CNTLN: variants seen among roughly 807,000 people sequenced by gnomAD.
The protein encoded by CNTLN is centlein, centrosomal protein.
Under a neutral mutation model 180.0 loss-of-function variants are expected in CNTLN, and 212 were observed. That is an observed-to-expected ratio of 1.18 (90% CI 1.05 to 1.32). The LOEUF (loss-of-function observed/expected upper bound fraction) is 1.32, where lower values mean the gene tolerates loss of function less well. Among genes scored for constraint, CNTLN ranks in the 40% most tolerant of loss-of-function variants. The pLI is 0.00. For missense variants in CNTLN, 2,095 were observed against 1,610.9 expected, an observed-to-expected ratio of 1.30 and a Z score of -5.14; for synonymous variants, 722 against 563.1, an observed-to-expected ratio of 1.28 and a Z score of -3.99.
intron 5 of CNTLN, among the ~76,000 whole-genome samples, chr9:17,256,018 AG>A (rs967846475): frequency 3.7e-4 from 56 of 152,038 alleles, no homozygotes; most frequent in African/African-American, 1.2e-3. Context: ...TAGTATTCTT[AG>A]TTTTCCATTT....
chr9:17,384,051 AG>A (rs1315720459), intron 13 of CNTLN, among the ~76,000 whole-genome samples: 10 of 152,236 alleles, frequency 6.6e-5, no homozygotes, highest in African/African-American at 2.4e-4. Context: ...ACTTGGAAGT[AG>A]AAAATAAACA....
intron 14 of CNTLN, among the ~76,000 whole-genome samples, chr9:17,390,873 A>G (rs767671886): frequency 7.2e-5 from 11 of 152,154 alleles, no homozygotes; most frequent in African/African-American, 9.7e-5. Context: ...ACATACATTC[A>G]TATTAGGAAG....
At chr9:17,386,620 C>T (rs932253070) in intron 13 of CNTLN, among the ~76,000 whole-genome samples, 2 of 151,988 alleles carry the variant, frequency 1.3e-5, no homozygotes, top group Admixed American at 1.3e-4. Context: ...TCTGTATAAA[C>T]CGGTGAAGGG....
rs578217729 is a variant in CNTLN at position 17,290,295 on chromosome 9, G to T, written c.984-7895G>T. Among the ~76,000 whole-genome samples, 462 of 151,458 alleles carry T rather than the reference G, an allele frequency of 3.1e-3. 1 individual carries two copies. The highest frequency in any genetic ancestry group is 4.7e-3 in the Non-Finnish European group (321 of 67,712). On this transcript the variant is annotated intron_variant, in intron 6 of 25. Transcript: ENST00000380647. ...GTGAGGTGTCAGTCTGCCCCTGCTG[G>T]GGGGTGCCTCCCAGTTAGGCTGCTC...
At chr9:17,166,064 G>C (rs1412012552) in intron 2 of CNTLN, among the ~76,000 whole-genome samples, 3 of 152,078 alleles carry the variant, frequency 2.0e-5, no homozygotes, top group Admixed American at 6.5e-5. Flanking sequence ...TTAATATGAA[G>C]GATAAGAAAC....
At chr9:17,340,733 C>T (rs1821412760) in intron 10 of CNTLN, 94 bp from the exon 11 acceptor site, 2 of 1,094,404 alleles carry the variant, frequency 1.8e-6, no homozygotes, top group South Asian at 4.7e-5. Context: ...TATTTTCTTT[C>T]AAATTTCATA....
chr9:17,457,614 G>A lies in CNTLN; in HGVS notation c.3205G>A (p.Glu1069Lys). 6.4e-7 allele frequency: 1 copy of A among 1,567,062 alleles called. No homozygotes were observed. Among genetic ancestry groups the A allele is most frequent in the Non-Finnish European group, 8.7e-7 (1 of 1,154,620 alleles). ...CTCATCTGAAATCACAAGTTTGGCA[G>A]AAGAAAATTCCCAGGTAACATTTCC... The part of the protein sequence containing the change: ...ESSSEITSLA[E>K]ENSQVTFPRI... The change falls in exon 19 of 26, where the codon GAA becomes AAA. Residue 1069 changes from glutamate (E) to lysine (K), a missense_variant. Glu to Lys is a moderately conservative substitution (Grantham distance 56, BLOSUM62 1). Coordinates refer to ENST00000380647, the MANE Select transcript of CNTLN (RefSeq NM_017738.4).
intron 13 of CNTLN, among the ~76,000 whole-genome samples, chr9:17,380,379 C>T (rs1220855434): frequency 1.3e-5 from 2 of 152,156 alleles, no homozygotes; most frequent in Admixed American, 1.3e-4. Context: ...CAAGCCTCAG[C>T]CAAAGGCCCC....
intron 1 of CNTLN, among the ~76,000 whole-genome samples, chr9:17,138,232 T>A (rs904430799): frequency 3.3e-5 from 5 of 152,162 alleles, no homozygotes; most frequent in Non-Finnish European, 7.4e-5. Flanking sequence ...TTATCACCAT[T>A]TATAGAGTGA....
chr9:17,287,643 C>CT (rs1829073113), intron 6 of CNTLN, among the ~76,000 whole-genome samples: 1 of 147,920 alleles, frequency 6.8e-6, no homozygotes, highest in Non-Finnish European at 1.5e-5. Context: ...GTCCTGGACT[C>CT]TTTTTGGTTG....
chr9:17,337,095 C>T (rs578015403), intron 10 of CNTLN, among the ~76,000 whole-genome samples: 1 of 152,276 alleles, frequency 6.6e-6, no homozygotes, highest in African/African-American at 2.4e-5. Context: ...TTGTTGGCTA[C>T]ATAAACGTGT....
At chr9:17,383,847 C>G (rs1302904151) in intron 13 of CNTLN, among the ~76,000 whole-genome samples, 3 of 151,974 alleles carry the variant, frequency 2.0e-5, no homozygotes, top group Non-Finnish European at 4.4e-5. Context: ...ACCGTGTTAG[C>G]CAGGATGGTC....
Position 17,262,560 on chromosome 9 carries a change from A to G in CNTLN, c.850-11173A>G, listed in dbSNP as rs185160662. On this transcript the variant is annotated intron_variant, in intron 5 of 25. Coordinates refer to ENST00000380647, the MANE Select transcript of CNTLN (RefSeq NM_017738.4). The stretch of plus-strand genomic sequence containing the variant: ...GAACACAGGAAGGGGAGCATCATAC[A>G]CTGATGCCTGTTGTGGGGTAGTGGG... Among the ~76,000 whole-genome samples the G allele has an allele frequency of 5.1e-3, 770 of 151,398 alleles. 5 individuals carry two copies. Among genetic ancestry groups the G allele is most frequent in the Admixed American group, 8.0e-3 (122 of 15,238 alleles).
chr9:17,381,182 A>G (rs907879881), intron 13 of CNTLN, among the ~76,000 whole-genome samples: 1 of 152,228 alleles, frequency 6.6e-6, no homozygotes, highest in Non-Finnish European at 1.5e-5. Context: ...ATCCCGAGCC[A>G]TGTTTTAATG....
intron 14 of CNTLN, among the ~76,000 whole-genome samples, chr9:17,392,519 A>G (rs1373211190): frequency 6.6e-6 from 1 of 152,192 alleles, no homozygotes; most frequent in Non-Finnish European, 1.5e-5. Flanking sequence ...GCTCCCCAAT[A>G]AAGTGTTTAC....
intron 2 of CNTLN, among the ~76,000 whole-genome samples, chr9:17,161,547 T>G (rs1265802368): frequency 6.6e-6 from 1 of 152,204 alleles, no homozygotes; most frequent in African/African-American, 2.4e-5. Flanking sequence ...ATTGTTCAAC[T>G]TTTCTTTGAA....
At chr9:17,517,686 T>G in the CNTLN span, among the ~76,000 whole-genome samples, 1 of 152,044 alleles carries the variant, frequency 6.6e-6, no homozygotes, top group South Asian at 2.1e-4. Flanking sequence ...TGGGACATTC[T>G]CTCCAGCAAG....
chr9:17,171,761 A>G (rs60546162), intron 2 of CNTLN, among the ~76,000 whole-genome samples: 2,888 of 152,132 alleles, frequency 0.019, 57 homozygotes, highest in African/African-American at 0.05. Flanking sequence ...AATGGTATGT[A>G]CAGTATGGGT....
intron 3 of CNTLN, among the ~76,000 whole-genome samples, chr9:17,226,931 T>TTA (rs1232934787): frequency 1.7e-4 from 26 of 151,354 alleles, no homozygotes; most frequent in Admixed American, 1.7e-3. Context: ...TTTTTAATTT[T>TTA]TATATATATA....
Sources: allele counts gnomAD v4.1 joint callset (sites outside exome capture counted in the v4.1 genomes callset), GRCh38; gene constraint gnomAD v4.1.1; transcripts MANE v1.5; gene names NCBI Gene and HGNC (gene_info 2026-07-23, HGNC 2026-07-21).